Variants in UGT3A1 observed in about 807,000 individuals in gnomAD.
The protein encoded by UGT3A1 is UDP glycosyltransferase family 3 member A1.
In UGT3A1, 40 loss-of-function variants were observed where a neutral mutation model predicts 37.6. The ratio of observed to expected loss-of-function variants is 1.06; its 90% CI spans 0.83 to 1.38. UGT3A1 has a LOEUF of 1.38. Among genes scored for constraint, UGT3A1 ranks in the 40% most tolerant of loss-of-function variants. The probability of loss-of-function intolerance (pLI) is 0.00; values close to 1 mark genes in which losing one functional copy is unlikely to be tolerated. For synonymous variants in UGT3A1, 256 were observed against 232.3 expected (o/e 1.10, Z -0.93); for missense variants, 642 against 634.2 (o/e 1.01, Z -0.13).
chr5:35,991,312 C>T lies in UGT3A1; in HGVS notation c.-72G>A. 1.9e-6 allele frequency: 3 copies of T among 1,598,290 alleles called. No individual in the cohort carries two copies. The highest frequency in any genetic ancestry group is 1.7e-6 in the Non-Finnish European group (2 of 1,172,024). On this transcript the variant is annotated 5_prime_UTR_variant, in exon 1 of 7. Coordinates refer to ENST00000274278, the MANE Select transcript of UGT3A1 (RefSeq NM_152404.4). ...TGCGCCGGGCTAAGGACTCTGTGCG[C>T]GCCTCAGTACTCCAAAGGCACTGGC...
In UGT3A1 at chr5:35,952,941, G is replaced by A. The variant is rs1256518349; in HGVS notation, c.*1261C>T. The A allele has an allele frequency of 2.6e-5, 4 of 152,128 alleles. No homozygotes were observed. Among genetic ancestry groups the A allele is most frequent in the Non-Finnish European group, 5.9e-5 (4 of 68,020 alleles). The allele number at this position is 152,128 out of a possible 1,614,324, so 9.4% of individuals were successfully genotyped here. A position where few individuals can be genotyped will look rare whatever the true frequency, so the allele number is the denominator to read the frequency against. On this transcript the variant is annotated 3_prime_UTR_variant, in exon 7 of 7. Transcript: ENST00000274278. The stretch of plus-strand genomic sequence containing the variant: ...TGGGGGGCATTCTCTATTTCTGCAG[G>A]AGCATTTGTAACAGTTTCATCTTTT...
intron 2 of UGT3A1, among the ~76,000 whole-genome samples, chr5:35,984,054 G>A (rs1740634321): frequency 6.6e-6 from 1 of 152,176 alleles, no homozygotes; most frequent in South Asian, 2.1e-4. Flanking sequence ...TCTGGACAGA[G>A]AAGTTAGGCA....
At chr5:35,969,697 G>C (rs115440487) in intron 2 of UGT3A1, among the ~76,000 whole-genome samples, 2,749 of 152,212 alleles carry the variant, frequency 0.018, 82 homozygotes, top group African/African-American at 0.062. Context: ...GTAAGTTCTA[G>C]ATTAACATCA....
chr5:35,983,525 G>A (rs992262041), intron 2 of UGT3A1, among the ~76,000 whole-genome samples: 1 of 151,822 alleles, frequency 6.6e-6, no homozygotes, highest in Non-Finnish European at 1.5e-5. Flanking sequence ...AAGATCAGGG[G>A]CTATTTTCAA....
chr5:35,985,552 C>G (rs1242856572), intron 2 of UGT3A1, among the ~76,000 whole-genome samples: 1 of 152,070 alleles, frequency 6.6e-6, no homozygotes, highest in East Asian at 1.9e-4. Context: ...AAAACCTACA[C>G]ATGTATAGCA....
chr5:35,993,420 C>T (rs879660227), upstream of UGT3A1, among the ~76,000 whole-genome samples: 4 of 151,708 alleles, frequency 2.6e-5, no homozygotes, highest in Admixed American at 6.6e-5. Flanking sequence ...GCCAAGATCG[C>T]GCCACTGCAC....
intron 4 of UGT3A1, among the ~76,000 whole-genome samples, chr5:35,959,772 T>C (rs1739503361): frequency 6.6e-6 from 1 of 152,112 alleles, no homozygotes; most frequent in Admixed American, 6.5e-5. Context: ...CATGATTCTA[T>C]ATATGTAAAA....
At chr5:35,965,265 T>G in intron 4 of UGT3A1, 121 bp downstream of exon 4, 2 of 1,443,220 alleles carry the variant, frequency 1.4e-6, no homozygotes, top group Middle Eastern at 2.4e-4. Flanking sequence ...GAACGTGCCC[T>G]AGGTGCCTCC....
chr5:35,991,569 A>G (rs1428063969), upstream of UGT3A1: 10 of 1,082,652 alleles, frequency 9.2e-6, no homozygotes, highest in Non-Finnish European at 1.1e-5. Context: ...AGAGCCAGGA[A>G]TGACAGGGGC....
At chr5:35,966,631 C>G (rs998892112) in intron 3 of UGT3A1, among the ~76,000 whole-genome samples, 13 of 152,182 alleles carry the variant, frequency 8.5e-5, no homozygotes, top group Non-Finnish European at 1.6e-4. Context: ...CCTTCAATGT[C>G]TTCCCATAAT....
chr5:35,985,294 G>A (rs975468285), intron 2 of UGT3A1, among the ~76,000 whole-genome samples: 6 of 151,632 alleles, frequency 4.0e-5, no homozygotes, highest in Admixed American at 6.6e-5. Context: ...TAAAGCAAAC[G>A]TACAAATTCA....
intron 2 of UGT3A1, among the ~76,000 whole-genome samples, chr5:35,997,010 C>T (rs1383654078): frequency 6.6e-6 from 1 of 152,150 alleles, no homozygotes; most frequent in African/African-American, 2.4e-5. Flanking sequence ...TCTTAATATC[C>T]TCTATGACAG....
chr5:35,972,930 T>C (rs1024278318), intron 2 of UGT3A1, among the ~76,000 whole-genome samples: 2 of 151,946 alleles, frequency 1.3e-5, no homozygotes, highest in African/African-American at 4.8e-5. Flanking sequence ...TGAATGTTTG[T>C]GAAAATCAAA....
rs149143818 is a variant in UGT3A1 at position 35,979,779 on chromosome 5, G to A, written c.196+8671C>T. On this transcript the variant is annotated intron_variant, in intron 2 of 6. Coordinates refer to ENST00000274278, the MANE Select transcript of UGT3A1 (RefSeq NM_152404.4). ...TCATGCTGCTGATAAAGACATACCT[G>A]AGACTGGGTAATTTACAAAGAAAAA... Among the ~76,000 whole-genome samples the A allele has an allele frequency of 3.0e-3, 453 of 152,282 alleles. 4 individuals are homozygous for A. The highest frequency in any genetic ancestry group is 9.4e-3 in the African/African-American group (392 of 41,552).
At position 35,957,257 on chromosome 5, in the gene UGT3A1, A is replaced by G; in HGVS notation, c.1006T>C (p.Trp336Arg). 1 of 1,614,182 alleles carries G rather than the reference A, an allele frequency of 6.2e-7. No homozygotes were observed. The highest frequency in any genetic ancestry group is 8.5e-7 in the Non-Finnish European group (1 of 1,180,026). The change falls in exon 5 of 7, where the codon TGG becomes CGG. Residue 336 changes from tryptophan to arginine, a missense_variant. Coordinates refer to ENST00000274278, the MANE Select transcript of UGT3A1 (RefSeq NM_152404.4). Reference protein sequence around the residue: ...GVIWTCQSSHWPRDVHLATNV... With the variant: ...GVIWTCQSSHRPRDVHLATNV... ...GTGGCCAAATGAACATCTCTGGGCC[A>G]ATGAGAACTCTGACATGTCCATATC...
intron 2 of UGT3A1, among the ~76,000 whole-genome samples, chr5:35,996,520 A>G (rs1383267739): frequency 2.0e-5 from 3 of 152,144 alleles, no homozygotes; most frequent in Non-Finnish European, 4.4e-5. Context: ...CACCCCCTTG[A>G]CCCAGGCTCT....
At chr5:35,974,322 T>C (rs1255734520) in intron 2 of UGT3A1, among the ~76,000 whole-genome samples, 1 of 152,178 alleles carries the variant, frequency 6.6e-6, no homozygotes, top group Non-Finnish European at 1.5e-5. Flanking sequence ...AAATGCATAA[T>C]TGGAATAGAT....
In UGT3A1 at chr5:35,965,689, G is replaced by C. The variant is rs778326374; in HGVS notation, c.540C>G (p.Pro180=). The change falls in exon 4 of 7, where the codon CCC becomes CCG. Residue 180 remains proline, a synonymous_variant. Coordinates refer to ENST00000274278, the MANE Select transcript of UGT3A1 (RefSeq NM_152404.4). ...AAGGGAATACTGGAACATAAGACAA[G>C]GGGCTTGGTAGCCCAAAATCCAAAG... ...FGSLDFGLPS[P]LSYVPVFPSL... 4 of 1,614,162 alleles carry C rather than the reference G, an allele frequency of 2.5e-6. No individual in the cohort carries two copies. The highest frequency in any genetic ancestry group is 3.4e-6 in the Non-Finnish European group (4 of 1,180,024).
chr5:35,970,348 C>A (rs556523705), intron 2 of UGT3A1, among the ~76,000 whole-genome samples: 4 of 151,024 alleles, frequency 2.6e-5, no homozygotes, highest in African/African-American at 7.3e-5. Flanking sequence ...GCTGAGATAG[C>A]GCCACTGCAC....
Sources: allele counts gnomAD v4.1 joint callset (sites outside exome capture counted in the v4.1 genomes callset), GRCh38; gene constraint gnomAD v4.1.1; transcripts MANE v1.5; gene names NCBI Gene and HGNC (gene_info 2026-07-23, HGNC 2026-07-21).